Variants in PRR16 observed in about 807,000 individuals in gnomAD.
PRR16 encodes protein Largen.
Under a neutral mutation model 18.2 loss-of-function variants are expected in PRR16, and 6 were observed. The ratio of observed to expected loss-of-function variants is 0.33; its 90% CI spans 0.18 to 0.65. The LOEUF (loss-of-function observed/expected upper bound fraction) is 0.65, where lower values mean the gene tolerates loss of function less well. PRR16 is among the 30% of genes least tolerant of loss of function. The probability of loss-of-function intolerance (pLI) is 0.74; values close to 1 mark genes in which losing one functional copy is unlikely to be tolerated. For synonymous variants in PRR16, 151 were observed against 147.8 expected (o/e 1.02, Z -0.16); for missense variants, 412 against 376.6 (o/e 1.09, Z -0.78).
the PRR16 span, among the ~76,000 whole-genome samples, chr5:120,765,790 A>T: frequency 6.6e-6 from 1 of 151,970 alleles, no homozygotes. Flanking sequence ...CTCACACTCA[A>T]GATAATTTCT....
chr5:120,499,351 C>G (rs917665478), intron 1 of PRR16, among the ~76,000 whole-genome samples: 12 of 151,940 alleles, frequency 7.9e-5, no homozygotes, highest in Non-Finnish European at 1.2e-4. Context: ...GCCCTACCCT[C>G]TTTCTCAACT....
At chr5:120,474,135 C>A (rs1749359445) in intron 1 of PRR16, among the ~76,000 whole-genome samples, 1 of 152,120 alleles carries the variant, frequency 6.6e-6, no homozygotes, top group Non-Finnish European at 1.5e-5. Context: ...ATATGGGGGA[C>A]ATGTCTAAGG....
chr5:120,520,907 T>G (rs1751153646), intron 1 of PRR16, among the ~76,000 whole-genome samples: 4 of 152,184 alleles, frequency 2.6e-5, no homozygotes, highest in Admixed American at 2.6e-4. Flanking sequence ...ATTACTTTTT[T>G]TTTTTATACA....
chr5:120,742,601 A>G, the PRR16 span, among the ~76,000 whole-genome samples: 1 of 152,108 alleles, frequency 6.6e-6, no homozygotes, highest in Non-Finnish European at 1.5e-5. Flanking sequence ...CATGTATTTA[A>G]TACCTATTGG....
At chr5:120,771,072 ACCTT>A in the PRR16 span, among the ~76,000 whole-genome samples, 39 of 151,894 alleles carry the variant, frequency 2.6e-4, no homozygotes, top group Non-Finnish European at 2.9e-5. Context: ...CATTTCTGGT[ACCTT>A]GTATTGTTCA....
At chr5:120,768,874 T>C in the PRR16 span, among the ~76,000 whole-genome samples, 1 of 151,778 alleles carries the variant, frequency 6.6e-6, no homozygotes. Context: ...TACTTTTATG[T>C]ATTGCTGTGA....
At chr5:120,609,797 G>C (rs1047865109) in intron 1 of PRR16, among the ~76,000 whole-genome samples, 1 of 152,032 alleles carries the variant, frequency 6.6e-6, no homozygotes, top group African/African-American at 2.4e-5. Flanking sequence ...CATTTCTCTG[G>C]ACTGTTTCTG....
chr5:120,692,495 A>G, the PRR16 span, among the ~76,000 whole-genome samples: 2 of 152,182 alleles, frequency 1.3e-5, no homozygotes, highest in African/African-American at 4.8e-5. Flanking sequence ...TTTATGCACC[A>G]AAGATTGGTG....
At chr5:120,503,226 A>G (rs1464219413) in intron 1 of PRR16, among the ~76,000 whole-genome samples, 3 of 152,146 alleles carry the variant, frequency 2.0e-5, no homozygotes, top group Admixed American at 1.3e-4. Flanking sequence ...CCTAAATTTC[A>G]TATTTGATGA....
intron 1 of PRR16, among the ~76,000 whole-genome samples, chr5:120,483,930 C>T (rs746664406): frequency 2.0e-5 from 3 of 151,984 alleles, no homozygotes; most frequent in East Asian, 1.9e-4. Flanking sequence ...CCAACTTGGC[C>T]TTAATTGGCA....
intron 1 of PRR16, among the ~76,000 whole-genome samples, chr5:120,545,718 G>A (rs533574601): frequency 1.3e-5 from 2 of 152,094 alleles, no homozygotes; most frequent in East Asian, 3.9e-4. Flanking sequence ...ACTGCTCTTA[G>A]TGAATCATTT....
At chr5:120,527,353 T>C (rs943791587) in intron 1 of PRR16, among the ~76,000 whole-genome samples, 1 of 152,212 alleles carries the variant, frequency 6.6e-6, no homozygotes, top group Non-Finnish European at 1.5e-5. Context: ...TATCATCAAA[T>C]TGATTGCTAA....
chr5:120,594,391 G>C (rs1410869653), intron 1 of PRR16, among the ~76,000 whole-genome samples: 1 of 151,888 alleles, frequency 6.6e-6, no homozygotes, highest in African/African-American at 2.4e-5. Context: ...AAAATACCTA[G>C]GAATACAGCT....
At chr5:120,662,578 T>C (rs1183605221) in intron 1 of PRR16, among the ~76,000 whole-genome samples, 2 of 152,290 alleles carry the variant, frequency 1.3e-5, no homozygotes, top group East Asian at 1.9e-4. Context: ...TTTTGCACTA[T>C]GTATTCCTTT....
In PRR16 at chr5:120,557,088, C is replaced by A. The variant is rs114798341; in HGVS notation, c.159+92443C>A. Among the ~76,000 whole-genome samples the A allele has an allele frequency of 5.0e-3, 764 of 151,970 alleles. 10 individuals are homozygous for A. Among genetic ancestry groups the A allele is most frequent in the African/African-American group, 0.017 (690 of 41,492 alleles). ...GTTTAATGAAGATTGCTATGACACACAACAATAAAATTTCTTAATTTCTTG... is the reference window on the plus strand; with the variant it reads ...GTTTAATGAAGATTGCTATGACACAAAACAATAAAATTTCTTAATTTCTTG... On this transcript the variant is annotated intron_variant, in intron 1 of 1. Transcript: ENST00000407149.
the PRR16 span, among the ~76,000 whole-genome samples, chr5:120,738,483 A>G: frequency 6.6e-6 from 1 of 152,128 alleles, no homozygotes; most frequent in South Asian, 2.1e-4. Flanking sequence ...TAATATTTAC[A>G]TGACGACCCC....
At chr5:120,550,020 T>C (rs1311263685) in intron 1 of PRR16, among the ~76,000 whole-genome samples, 2 of 151,964 alleles carry the variant, frequency 1.3e-5, no homozygotes, top group East Asian at 3.9e-4. Context: ...CTAGAAGAAA[T>C]TGGAGAATGT....
chr5:120,555,096 A>G (rs553712080), intron 1 of PRR16, among the ~76,000 whole-genome samples: 3 of 151,968 alleles, frequency 2.0e-5, no homozygotes, highest in African/African-American at 7.2e-5. Flanking sequence ...ACTTTTAAAT[A>G]TCTAGTGTTT....
chr5:120,488,247 G>T (rs564343179), intron 1 of PRR16, among the ~76,000 whole-genome samples: 2 of 152,234 alleles, frequency 1.3e-5, no homozygotes, highest in Admixed American at 1.3e-4. Context: ...TTGTACCTCT[G>T]GTAGAATTCG....
Sources: allele counts gnomAD v4.1 joint callset (sites outside exome capture counted in the v4.1 genomes callset), GRCh38; gene constraint gnomAD v4.1.1; transcripts MANE v1.5; gene names NCBI Gene and HGNC (gene_info 2026-07-23, HGNC 2026-07-21).